Variants in PKP1 observed in about 807,000 individuals in gnomAD.
The protein encoded by PKP1 is plakophilin 1.
PKP1 carries 27 observed loss-of-function variants against 76.4 expected under a neutral mutation model. The ratio of observed to expected loss-of-function variants is 0.35; its 90% confidence interval spans 0.26 to 0.49. PKP1 has a LOEUF of 0.49. Among genes scored for constraint, PKP1 ranks in the 20% least tolerant of loss-of-function variants. PKP1 has a pLI of 0.99. For synonymous variants in PKP1, 404 were observed against 384.2 expected (o/e 1.05, Z -0.60); for missense variants, 964 against 955.2 (o/e 1.01, Z -0.12).
At position 201,317,778 on chromosome 1, in the gene PKP1, T is replaced by TGGTA; in HGVS notation, c.1054+2_1054+5dup. Reference sequence around the variant, plus strand: ...ACGCCGAGATCCAGAAGCAGCTGACTGGTAGGACAACACGGCCACCGAGAG... The same window carrying TGGTA: ...ACGCCGAGATCCAGAAGCAGCTGACTGGTAGGTAGGACAACACGGCCACCGAGAG... On this transcript the variant is annotated frameshift_variant and splice_region_variant, in exon 5 of 14. Coordinates refer to ENST00000367324, the MANE Select transcript of PKP1 (RefSeq NM_001005337.3). LOFTEE classifies it high-confidence loss of function. The TGGTA allele has an allele frequency of 1.9e-6, 3 of 1,612,814 alleles. No homozygotes were observed. The highest frequency in any genetic ancestry group is 2.5e-6 in the Non-Finnish European group (3 of 1,179,678).
chr1:201,291,094 G>C (rs1655902269), intron 1 of PKP1, among the ~76,000 whole-genome samples: 1 of 152,256 alleles, frequency 6.6e-6, no homozygotes, highest in Non-Finnish European at 1.5e-5. Context: ...TTGGTTATCT[G>C]GCACACTGCG....
At chr1:201,317,517 A>T in intron 4 of PKP1, 55 bp from the exon 5 acceptor site, 1 of 1,457,960 alleles carries the variant, frequency 6.9e-7, no homozygotes. Context: ...GTAGAGAATA[A>T]CTAGATCAGC....
intron 11 of PKP1, 125 bp from the exon 12 acceptor site, chr1:201,325,629 A>G: frequency 1.3e-6 from 1 of 759,882 alleles, no homozygotes; most frequent in South Asian, 1.5e-5. Context: ...TCTTTTGCAC[A>G]CCTGAGGCCT....
intron 2 of PKP1, among the ~76,000 whole-genome samples, chr1:201,303,910 G>A (rs1485273907): frequency 6.6e-6 from 1 of 152,194 alleles, no homozygotes; most frequent in Non-Finnish European, 1.5e-5. Context: ...GCAGAGCCAT[G>A]AAGTAGAGCC....
chr1:201,310,582 G>T (rs1251248078), intron 2 of PKP1, among the ~76,000 whole-genome samples: 1 of 152,210 alleles, frequency 6.6e-6, no homozygotes, highest in Non-Finnish European at 1.5e-5. Context: ...TCACCTCCTT[G>T]TGCCTTGGAG....
At position 201,318,637 on chromosome 1, in the gene PKP1, T is replaced by C; in HGVS notation, c.1074T>C (p.Ser358=). The C allele has an allele frequency of 6.2e-7, 1 of 1,612,196 alleles. No homozygotes were observed. Among genetic ancestry groups the C allele is most frequent in the Non-Finnish European group, 8.5e-7 (1 of 1,179,914 alleles). Residue 358 remains serine (S), a synonymous_variant, in exon 6 of 14, where the codon TCT becomes TCC. Transcript: ENST00000367324. ...CCCCAGGGCTGCTCTGGAACCTGTCTTCCACTGACGAGCTGAAGGAGGAAC... is the reference window on the plus strand; with the variant it reads ...CCCCAGGGCTGCTCTGGAACCTGTCCTCCACTGACGAGCTGAAGGAGGAAC... ...KQLTGLLWNL[S]STDELKEELI...
At chr1:201,313,726 C>G (rs751490533) in intron 3 of PKP1, among the ~76,000 whole-genome samples, 166 bp downstream of exon 3, 1 of 152,238 alleles carries the variant, frequency 6.6e-6, no homozygotes, top group Non-Finnish European at 1.5e-5. Context: ...ATGGGGAGAA[C>G]CTGGCCCCAT....
intron 2 of PKP1, among the ~76,000 whole-genome samples, chr1:201,310,952 A>G (rs961583276): frequency 2.0e-5 from 3 of 152,214 alleles, no homozygotes; most frequent in Non-Finnish European, 4.4e-5. Flanking sequence ...TTCCCAGCAC[A>G]GGAAAGCAAA....
chr1:201,315,556 T>C (rs910192028), intron 3 of PKP1, among the ~76,000 whole-genome samples: 1 of 152,192 alleles, frequency 6.6e-6, no homozygotes, highest in Non-Finnish European at 1.5e-5. Flanking sequence ...GCCAGTGGTG[T>C]GCCTTGAGGC....
intron 2 of PKP1, among the ~76,000 whole-genome samples, chr1:201,308,957 A>G (rs10047138): frequency 0.013 from 1,918 of 151,954 alleles, 38 homozygotes; most frequent in African/African-American, 0.044. Flanking sequence ...GGTGTAAAAG[A>G]GGGGAGTCAG....
At chr1:201,315,282 C>A (rs557270560) in intron 3 of PKP1, among the ~76,000 whole-genome samples, 1 of 152,344 alleles carries the variant, frequency 6.6e-6, no homozygotes, top group Middle Eastern at 3.4e-3. Flanking sequence ...TCTCTCAATG[C>A]AGGCAGCAGT....
At chr1:201,325,947 C>A in intron 12 of PKP1, 109 bp downstream of exon 12, 4 of 767,790 alleles carry the variant, frequency 5.2e-6, no homozygotes, top group African/African-American at 5.1e-5. Flanking sequence ...CCCTGCCCTT[C>A]GGGACAGTCT....
chr1:201,320,081 C>T (rs1046239886), intron 6 of PKP1, 186 bp from the exon 7 acceptor site: 10 of 700,950 alleles, frequency 1.4e-5, no homozygotes, highest in African/African-American at 1.2e-4. Flanking sequence ...TCCTTTCCTC[C>T]CTTTCCTCTT....
At position 201,318,904 on chromosome 1, in the gene PKP1, C is replaced by G. The variant is rs2002519; in HGVS notation, c.1232+109C>G. On this transcript the variant is annotated intron_variant, in intron 6 of 13. Coordinates refer to ENST00000367324, the MANE Select transcript of PKP1 (RefSeq NM_001005337.3). ...GGTGCATAGAACATAACAGACAACC[C>G]GGCACTCCCTCTTATGGGCAGGCTC... 6 of 925,776 alleles carry G rather than the reference C, an allele frequency of 6.5e-6. No homozygotes were observed. In the African/African-American group the frequency reaches 9.8e-5, roughly 15 times the overall value. 57.3% of individuals were successfully genotyped at this position (925,776 alleles called of 1,614,324 possible).
intron 2 of PKP1, among the ~76,000 whole-genome samples, chr1:201,306,799 C>A (rs760282146): frequency 6.6e-6 from 1 of 152,104 alleles, no homozygotes; most frequent in Non-Finnish European, 1.5e-5. Flanking sequence ...CTCAGCCTCC[C>A]GAGTAGCTGG....
chr1:201,299,415 A>C (rs1325283783), intron 2 of PKP1, among the ~76,000 whole-genome samples: 1 of 152,156 alleles, frequency 6.6e-6, no homozygotes, highest in Non-Finnish European at 1.5e-5. Flanking sequence ...GGGCTGCTAC[A>C]AACTGAGGGA....
intron 2 of PKP1, among the ~76,000 whole-genome samples, chr1:201,311,546 A>G (rs989846832): frequency 6.6e-6 from 1 of 152,198 alleles, no homozygotes; most frequent in Non-Finnish European, 1.5e-5. Flanking sequence ...AGCTCAAACC[A>G]TGGGAGTTTC....
intron 1 of PKP1, among the ~76,000 whole-genome samples, chr1:201,284,772 G>T (rs906904342): frequency 6.6e-6 from 1 of 152,174 alleles, no homozygotes; most frequent in African/African-American, 2.4e-5. Context: ...GGAATGGCAG[G>T]TTGGAAATCC....
chr1:201,309,192 G>T (rs569584992), intron 2 of PKP1, among the ~76,000 whole-genome samples: 10 of 152,108 alleles, frequency 6.6e-5, no homozygotes, highest in Admixed American at 5.2e-4. Context: ...TAAAGGAGGG[G>T]TTGGCCTCTG....
Sources: allele counts gnomAD v4.1 joint callset (sites outside exome capture counted in the v4.1 genomes callset), GRCh38; gene constraint gnomAD v4.1.1; transcripts MANE v1.5; gene names NCBI Gene and HGNC (gene_info 2026-07-23, HGNC 2026-07-21).